R3HDM1: variants seen among roughly 807,000 people sequenced by gnomAD.
The protein encoded by R3HDM1 is R3H domain-containing protein 1.
Under a neutral mutation model 141.1 loss-of-function variants are expected in R3HDM1, and 46 were observed. That is an observed-to-expected ratio of 0.33 (90% confidence interval 0.26 to 0.42). The LOEUF is 0.42. R3HDM1 is among the 10% of genes least tolerant of loss of function. The probability of loss-of-function intolerance (pLI) is 1.00; values close to 1 mark genes in which losing one functional copy is unlikely to be tolerated. For synonymous variants in R3HDM1, 435 were observed against 472.9 expected (o/e 0.92, Z 1.04); for missense variants, 1,184 against 1,368.3 (o/e 0.87, Z 2.12).
In R3HDM1 at chr2:135,715,648, A is replaced by G. The variant is rs769625642; in HGVS notation, c.2835A>G (p.Pro945=). 1.2e-6 allele frequency: 2 copies of G among 1,613,812 alleles called. No homozygotes were observed. The highest frequency in any genetic ancestry group is 4.5e-5 in the East Asian group (2 of 44,858). The change falls in exon 24 of 27, where the codon CCA becomes CCG. Residue 945 remains proline (P), a synonymous_variant. Coordinates refer to ENST00000683871, the MANE Select transcript of R3HDM1 (RefSeq NM_001378107.1). ...AAACTGTACGTCCCTCTGGACCACC[A>G]CTTTCCATCATGCCCCAATTTTCTA... is the stretch of plus-strand genomic sequence containing the variant. ...TLKTVRPSGP[P]LSIMPQFSRP... is the part of the protein sequence containing the mutation.
rs1473934446 is a variant in R3HDM1 at position 135,639,228 on chromosome 2, C to T, written c.1219+106C>T. ...TTCTAATTATCCTAAAATATAAAATCACTATCAATAGTACCTTGACCACCT... is the reference window on the plus strand; with the variant it reads ...TTCTAATTATCCTAAAATATAAAATTACTATCAATAGTACCTTGACCACCT... On this transcript the variant is annotated intron_variant, in intron 14 of 26. Coordinates refer to ENST00000683871, the MANE Select transcript of R3HDM1 (RefSeq NM_001378107.1). 5.3e-6 allele frequency: 6 copies of T among 1,125,094 alleles called. No individual in the cohort carries two copies. The East Asian group carries it at 1.0e-4, about 19-fold the overall frequency. 69.7% of individuals were successfully genotyped at this position (1,125,094 alleles called of 1,614,324 possible).
In R3HDM1 at chr2:135,653,153, C is replaced by T. The variant is rs60749748; in HGVS notation, c.2028+1121C>T. 8.6e-5 allele frequency among the ~76,000 whole-genome samples: 13 copies of T among 151,612 alleles called. No homozygotes were observed. The East Asian group carries it at 1.9e-3, about 23-fold the overall frequency. ...GGCGAATCACTTGAGGTCAGGAGTT[C>T]GTGACCAGCCTGGCCAACATGATGA... On this transcript the variant is annotated intron_variant, in intron 18 of 26. Transcript: ENST00000683871.
At chr2:135,684,731 A>G (rs1169355495) in intron 21 of R3HDM1, among the ~76,000 whole-genome samples, 1 of 151,968 alleles carries the variant, frequency 6.6e-6, no homozygotes, top group Non-Finnish European at 1.5e-5. Flanking sequence ...GTTTTAGTGA[A>G]ATACACATTC....
Position 135,559,092 on chromosome 2 carries a change from T to C in R3HDM1, c.-250+27459T>C, listed in dbSNP as rs538777338. 472 of 829,184 alleles carry C rather than the reference T, an allele frequency of 5.7e-4. 1 individual carries two copies. Among genetic ancestry groups the C allele is most frequent in the African/African-American group, 5.5e-3 (286 of 51,956 alleles). 51.4% of individuals were successfully genotyped at this position (829,184 alleles called of 1,614,324 possible). On this transcript the variant is annotated intron_variant, in intron 1 of 26. Coordinates refer to ENST00000683871, the MANE Select transcript of R3HDM1 (RefSeq NM_001378107.1). ...GTGTGTGTGTGTGTGTGTGTGTGTGTGCATGCGTGTGTGTGTGTGGTTTTG... is the reference window on the plus strand; with the variant it reads ...GTGTGTGTGTGTGTGTGTGTGTGTGCGCATGCGTGTGTGTGTGTGGTTTTG...
At position 135,621,512 on chromosome 2, in the gene R3HDM1, T is replaced by G. The variant is rs553351548; in HGVS notation, c.322T>G (p.Leu108Val). Residue 108 changes from leucine to valine, a missense_variant, in exon 6 of 27, where the codon TTA becomes GTA. Physicochemically the swap from Leu to Val is conservative, Grantham distance 32 (BLOSUM62 1). Coordinates refer to ENST00000683871, the MANE Select transcript of R3HDM1 (RefSeq NM_001378107.1). ...QENQEKIQIQLTQSFEKEEKP... is the reference protein window; with the variant it reads ...QENQEKIQIQVTQSFEKEEKP... ...CCAACAGGAGAAAATTCAGATCCAG[T>G]TAACACAATCATTTGAGAAAGAAGA... 23 of 1,589,512 alleles carry G rather than the reference T, an allele frequency of 1.4e-5. No homozygotes were observed. In the South Asian group the frequency reaches 2.7e-4, roughly 19 times the overall value.
At chr2:135,577,343 C>T in intron 1 of R3HDM1, 1 of 324,362 alleles carries the variant, frequency 3.1e-6, no homozygotes, top group Non-Finnish European at 4.2e-6. Flanking sequence ...ATGTATACTA[C>T]ACTTGATTTT....
intron 25 of R3HDM1, 50 bp downstream of exon 25, chr2:135,722,056 C>T (rs761518215): frequency 1.3e-6 from 2 of 1,551,728 alleles, no homozygotes; most frequent in South Asian, 2.2e-5. Flanking sequence ...CATCATAGCT[C>T]CCTCAGAGTG....
intron 11 of R3HDM1, among the ~76,000 whole-genome samples, chr2:135,638,131 A>C (rs2063444694): frequency 1.3e-5 from 2 of 152,228 alleles, no homozygotes; most frequent in Non-Finnish European, 2.9e-5. Context: ...AAAAAATGGT[A>C]ACTGGAAAAC....
At chr2:135,646,571 G>A (rs2064453596) in intron 16 of R3HDM1, among the ~76,000 whole-genome samples, 1 of 151,840 alleles carries the variant, frequency 6.6e-6, no homozygotes, top group Non-Finnish European at 1.5e-5. Context: ...TGATGGGCCT[G>A]GCGCGTTGGC....
chr2:135,607,978 CT>C, intron 3 of R3HDM1: 1 of 981,016 alleles, frequency 1.0e-6, no homozygotes, highest in Non-Finnish European at 1.2e-6. Context: ...TTATGTTAAT[CT>C]GGTGAATGCC....
intron 1 of R3HDM1, chr2:135,536,787 A>G (rs1164483613): frequency 1.1e-6 from 1 of 873,896 alleles, no homozygotes; most frequent in Non-Finnish European, 1.4e-6. Context: ...GGAGGTGTGC[A>G]GTGGACCGGT....
chr2:135,532,185 C>T (rs1695000495), intron 1 of R3HDM1, among the ~76,000 whole-genome samples: 1 of 152,218 alleles, frequency 6.6e-6, no homozygotes, highest in Non-Finnish European at 1.5e-5. Flanking sequence ...TCAGCTTCGA[C>T]CGGTTGGTAA....
At chr2:135,596,730 C>T (rs914226017) in intron 1 of R3HDM1, among the ~76,000 whole-genome samples, 1 of 152,106 alleles carries the variant, frequency 6.6e-6, no homozygotes, top group Non-Finnish European at 1.5e-5. Flanking sequence ...TCATTTTAAT[C>T]GTTTCATGGT....
chr2:135,657,177 C>T (rs898542184), intron 18 of R3HDM1, among the ~76,000 whole-genome samples: 7 of 151,372 alleles, frequency 4.6e-5, no homozygotes, highest in Non-Finnish European at 5.9e-5. Flanking sequence ...CTGAGATGTA[C>T]GGATCACTTG....
chr2:135,638,828 A>T, intron 13 of R3HDM1, 39 bp downstream of exon 13: 1 of 1,612,404 alleles, frequency 6.2e-7, no homozygotes. Context: ...TTGAAAAATT[A>T]AAGCATTTTT....
intron 18 of R3HDM1, among the ~76,000 whole-genome samples, chr2:135,658,146 A>G (rs1412677209): frequency 6.6e-6 from 1 of 152,142 alleles, no homozygotes; most frequent in African/African-American, 2.4e-5. Flanking sequence ...AATATGATAT[A>G]AAAGTTTTGT....
At chr2:135,612,095 T>G (rs1319088272) in intron 3 of R3HDM1, among the ~76,000 whole-genome samples, 3 of 152,302 alleles carry the variant, frequency 2.0e-5, no homozygotes, top group South Asian at 2.1e-4. Flanking sequence ...AATTAGTGAT[T>G]GTGTTTAGTT....
chr2:135,651,797 A>G lies in R3HDM1; in HGVS notation c.1793A>G (p.Asp598Gly), dbSNP rs1485051999. Residue 598 changes from aspartate to glycine, a missense_variant, in exon 18 of 27, where the codon GAC (aspartate) becomes GGC (glycine). Physicochemically the swap from Asp to Gly is moderately conservative, Grantham distance 94. Coordinates refer to ENST00000683871, the MANE Select transcript of R3HDM1 (RefSeq NM_001378107.1). ...LARQPSADGSDPHAAMFQSTV... is the reference protein window; with the variant it reads ...LARQPSADGSGPHAAMFQSTV... Reference sequence around the variant, plus strand: ...CGCCAGCCATCTGCTGATGGTTCTGACCCTCATGCCGCCATGTTCCAGTCC... The same window carrying G: ...CGCCAGCCATCTGCTGATGGTTCTGGCCCTCATGCCGCCATGTTCCAGTCC... 6.2e-7 allele frequency: 1 copy of G among 1,613,870 alleles called. No homozygotes were observed. Among genetic ancestry groups the G allele is most frequent in the Non-Finnish European group, 8.5e-7 (1 of 1,179,994 alleles).
intron 9 of R3HDM1, 102 bp downstream of exon 9, chr2:135,632,103 C>T: frequency 9.7e-7 from 1 of 1,027,812 alleles, no homozygotes; most frequent in South Asian, 2.8e-5. Flanking sequence ...TTTTAACAGT[C>T]TAATTAAGTT....
Sources: allele counts gnomAD v4.1 joint callset (sites outside exome capture counted in the v4.1 genomes callset), GRCh38; gene constraint gnomAD v4.1.1; transcripts MANE v1.5; gene names NCBI Gene and HGNC (gene_info 2026-07-23, HGNC 2026-07-21).